RALGPS2: variants seen among roughly 807,000 people sequenced by gnomAD.
RALGPS2 encodes ras-specific guanine nucleotide-releasing factor RalGPS2.
In RALGPS2, 43 loss-of-function variants were observed where a neutral mutation model predicts 86.8. That is an observed-to-expected ratio of 0.50 (90% CI 0.39 to 0.64). RALGPS2 has a LOEUF of 0.64. RALGPS2 is among the 30% of genes least tolerant of loss of function. The pLI is 0.00. For synonymous variants in RALGPS2, 243 were observed against 231.3 expected, an observed-to-expected ratio of 1.05 and a Z score of -0.46; for missense variants, 536 against 694.6, an observed-to-expected ratio of 0.77 and a Z score of 2.57.
At chr1:178,817,048 G>A (rs1558132290) in intron 6 of RALGPS2, among the ~76,000 whole-genome samples, 1 of 151,638 alleles carries the variant, frequency 6.6e-6, no homozygotes, top group Admixed American at 6.6e-5. Context: ...AGGAGTTAAG[G>A]TTCATTTTTT....
chr1:178,796,425 G>A (rs1025119738), intron 4 of RALGPS2, among the ~76,000 whole-genome samples: 2 of 152,090 alleles, frequency 1.3e-5, no homozygotes, highest in Admixed American at 6.6e-5. Flanking sequence ...TGGATATGCC[G>A]TATTCCTCTA....
intron 4 of RALGPS2, among the ~76,000 whole-genome samples, chr1:178,788,841 C>CTTTCTTTCTTTCTTTTCT (rs1183666679): frequency 1.2e-4 from 16 of 132,444 alleles, no homozygotes; most frequent in African/African-American, 2.0e-4. Context: ...TTCTTTCTTT[C>CTTTCTTTCTTTCTTTTCT]TTTCTTTTCT....
At chr1:178,877,174 A>G (rs1659041659) in intron 8 of RALGPS2, among the ~76,000 whole-genome samples, 1 of 152,154 alleles carries the variant, frequency 6.6e-6, no homozygotes, top group African/African-American at 2.4e-5. Flanking sequence ...AGCCAATTGA[A>G]GAACTCAGCT....
intron 7 of RALGPS2, among the ~76,000 whole-genome samples, chr1:178,832,867 T>C (rs1346056135): frequency 1.3e-5 from 2 of 151,934 alleles, no homozygotes; most frequent in Non-Finnish European, 2.9e-5. Context: ...CTTACAACAG[T>C]ATCTTTTAGT....
chr1:178,798,775 A>G (rs1414859188), intron 4 of RALGPS2, among the ~76,000 whole-genome samples: 1 of 152,162 alleles, frequency 6.6e-6, no homozygotes. Context: ...CAGGATTTCT[A>G]TAAGAAAGTA....
chr1:178,836,791 A>C (rs1404108396), intron 8 of RALGPS2, among the ~76,000 whole-genome samples: 1 of 149,310 alleles, frequency 6.7e-6, no homozygotes, highest in African/African-American at 2.5e-5. Context: ...TTTTATTTTT[A>C]TTTTTCAGAG....
Position 178,808,540 on chromosome 1 carries a change from T to G in RALGPS2, c.297+412T>G, listed in dbSNP as rs572495957. Among the ~76,000 whole-genome samples the G allele has an allele frequency of 8.7e-4, 132 of 152,252 alleles. 1 individual carries two copies. The highest frequency in any genetic ancestry group is 3.0e-3 in the African/African-American group (124 of 41,578). On this transcript the variant is annotated intron_variant, in intron 5 of 19. Transcript: ENST00000367635. ...ATAGTTTCTGTGTTATTATTGGAAC[T>G]TCTTGGGGTACTACTACTCTATTTC...
chr1:178,807,986 A>T, intron 4 of RALGPS2, 59 bp from the exon 5 acceptor site: 2 of 1,055,308 alleles, frequency 1.9e-6, no homozygotes, highest in Non-Finnish European at 3.0e-6. Context: ...TGAAAGCCTT[A>T]ATCTGGCAGA....
chr1:178,829,393 C>T (rs774146171), intron 7 of RALGPS2, among the ~76,000 whole-genome samples: 6 of 152,280 alleles, frequency 3.9e-5, no homozygotes, highest in South Asian at 2.1e-4. Context: ...GTGAGCATTA[C>T]GGCATGAGGT....
At chr1:178,835,448 A>G (rs1320740787) in intron 8 of RALGPS2, among the ~76,000 whole-genome samples, 2 of 143,108 alleles carry the variant, frequency 1.4e-5, no homozygotes, top group African/African-American at 5.3e-5. Flanking sequence ...GCTAGAGTGC[A>G]GTGGCACAGT....
chr1:178,856,200 G>GATATATATATATATATATATAT (rs1348083361), intron 8 of RALGPS2, among the ~76,000 whole-genome samples: 5 of 40,926 alleles, frequency 1.2e-4, no homozygotes, highest in African/African-American at 3.7e-4. Flanking sequence ...CAGAGAGAGA[G>GATATATATATATATATATATAT]AGATATATAT....
rs188110798 is a variant in RALGPS2 at position 178,843,880 on chromosome 1, T to C, written c.607+10330T>C. ...GAAAATGAAACATTTGTCAGATGAG[T>C]TTTTATGACTCAGTTTAGTTCGTTT... On this transcript the variant is annotated intron_variant, in intron 8 of 19. Transcript: ENST00000367635. Among the ~76,000 whole-genome samples the C allele has an allele frequency of 8.7e-4, 132 of 152,158 alleles. No homozygotes were observed. In the South Asian group the frequency reaches 0.011, roughly 13 times the overall value.
At chr1:178,814,046 A>G (rs1015043197) in intron 6 of RALGPS2, among the ~76,000 whole-genome samples, 5 of 152,216 alleles carry the variant, frequency 3.3e-5, no homozygotes, top group Non-Finnish European at 4.4e-5. Context: ...GAATTTTCAT[A>G]TGCCTCTTCA....
At chr1:178,733,782 T>G (rs1015163851) in intron 1 of RALGPS2, among the ~76,000 whole-genome samples, 3 of 152,182 alleles carry the variant, frequency 2.0e-5, no homozygotes, top group Non-Finnish European at 4.4e-5. Flanking sequence ...AACATAGGGG[T>G]AAATCTTTAT....
chr1:178,766,385 A>C (rs1466010178), intron 1 of RALGPS2, among the ~76,000 whole-genome samples: 1 of 120,394 alleles, frequency 8.3e-6, no homozygotes, highest in Non-Finnish European at 1.8e-5. Flanking sequence ...ACACCCGGCT[A>C]ATTTTTTTTT....
At chr1:178,773,493 C>T (rs899786104) in intron 1 of RALGPS2, among the ~76,000 whole-genome samples, 6 of 152,146 alleles carry the variant, frequency 3.9e-5, no homozygotes, top group African/African-American at 9.7e-5. Context: ...CTTTGAAGGA[C>T]GTACTAAAAG....
chr1:178,769,834 C>G (rs911624117), intron 1 of RALGPS2, among the ~76,000 whole-genome samples: 4 of 152,094 alleles, frequency 2.6e-5, no homozygotes, highest in African/African-American at 9.7e-5. Flanking sequence ...TATTCCTTGG[C>G]CTGGGTTGCT....
At chr1:178,754,294 A>T (rs887541297) in intron 1 of RALGPS2, among the ~76,000 whole-genome samples, 5 of 151,822 alleles carry the variant, frequency 3.3e-5, no homozygotes, top group Admixed American at 3.3e-4. Flanking sequence ...AGTATATATT[A>T]CAAGGAATTG....
intron 4 of RALGPS2, among the ~76,000 whole-genome samples, chr1:178,807,320 G>A (rs1175207959): frequency 1.3e-5 from 2 of 152,156 alleles, no homozygotes; most frequent in Non-Finnish European, 2.9e-5. Context: ...GGGCAACAGA[G>A]GAAGACCCTG....
Sources: gnomAD v4.1 joint callset for allele counts (sites outside exome capture counted in the v4.1 genomes callset) on GRCh38, gnomAD v4.1.1 for gene constraint, MANE v1.5 for transcripts, NCBI Gene and HGNC (gene_info 2026-07-23, HGNC 2026-07-21) for gene names.